Variants in TRHDE observed in about 807,000 individuals in gnomAD.
TRHDE encodes thyrotropin releasing hormone degrading enzyme, also known as thyrotropin-releasing hormone-degrading ectoenzyme.
In TRHDE, 72 loss-of-function variants were observed where a neutral mutation model predicts 125.7. The ratio of observed to expected loss-of-function variants is 0.57; its 90% confidence interval spans 0.47 to 0.70. TRHDE has a LOEUF of 0.70. Ranked by LOEUF, TRHDE falls within the 30% of genes least tolerant of loss-of-function variation. The pLI, the probability that TRHDE is intolerant of heterozygous loss-of-function variation, is 0.00. For synonymous variants in TRHDE, 509 were observed against 509.1 expected, an observed-to-expected ratio of 1.00 and a Z score of 0.00; for missense variants, 1,110 against 1,327.1, an observed-to-expected ratio of 0.84 and a Z score of 2.54.
intron 2 of TRHDE, among the ~76,000 whole-genome samples, chr12:72,344,661 T>C (rs12231988): frequency 0.12 from 18,802 of 152,056 alleles, 1,746 homozygotes; most frequent in East Asian, 0.47. Context: ...GCTGTTGGTG[T>C]GCAAAAGAAA....
intron 7 of TRHDE, among the ~76,000 whole-genome samples, chr12:72,556,935 G>A (rs1869952776): frequency 6.6e-6 from 1 of 152,120 alleles, no homozygotes; most frequent in Admixed American, 6.5e-5. Context: ...GCTGTACCCT[G>A]TCTCACTGGA....
At chr12:72,630,090 C>T (rs998473955) in intron 15 of TRHDE, among the ~76,000 whole-genome samples, 2 of 150,976 alleles carry the variant, frequency 1.3e-5, no homozygotes, top group African/African-American at 2.4e-5. Context: ...GAACTTTCAT[C>T]GTTCAGAAAT....
At chr12:72,436,614 A>G (rs1874758100) in intron 3 of TRHDE, among the ~76,000 whole-genome samples, 1 of 151,932 alleles carries the variant, frequency 6.6e-6, no homozygotes, top group South Asian at 2.1e-4. Context: ...TGGCCTGGGA[A>G]TAAATACTAA....
chr12:72,416,774 C>T (rs375540038), intron 3 of TRHDE, among the ~76,000 whole-genome samples: 2 of 152,004 alleles, frequency 1.3e-5, no homozygotes, highest in Admixed American at 6.6e-5. Flanking sequence ...GTTTAGTTAT[C>T]GTAGCTTTGC....
At chr12:72,350,481 G>C (rs1181882378) in intron 2 of TRHDE, among the ~76,000 whole-genome samples, 1 of 152,010 alleles carries the variant, frequency 6.6e-6, no homozygotes. Context: ...ACTCAGGTAG[G>C]TTAAACAGCT....
At chr12:72,192,055 A>T (rs1028953579) in intron 2 of TRHDE, among the ~76,000 whole-genome samples, 1 of 152,084 alleles carries the variant, frequency 6.6e-6, no homozygotes, top group Non-Finnish European at 1.5e-5. Flanking sequence ...GCATCTGCTG[A>T]CCTCCTTTCC....
At chr12:72,595,819 G>A (rs1199036307) in intron 12 of TRHDE, among the ~76,000 whole-genome samples, 1 of 151,950 alleles carries the variant, frequency 6.6e-6, no homozygotes, top group East Asian at 1.9e-4. Context: ...TATAGCTTAG[G>A]CCCAGTGAGT....
At chr12:72,207,962 G>T (rs1176587163) in intron 2 of TRHDE, among the ~76,000 whole-genome samples, 1 of 152,096 alleles carries the variant, frequency 6.6e-6, no homozygotes, top group Non-Finnish European at 1.5e-5. Context: ...AGTCACTGTT[G>T]GAAGTGTCTC....
intron 2 of TRHDE, among the ~76,000 whole-genome samples, chr12:72,190,605 T>C (rs1387200165): frequency 6.6e-6 from 1 of 152,208 alleles, no homozygotes; most frequent in Non-Finnish European, 1.5e-5. Flanking sequence ...CTTCTAATAA[T>C]GGGCTCAGAA....
intron 6 of TRHDE, among the ~76,000 whole-genome samples, chr12:72,529,561 CT>C (rs1213832452): frequency 2.6e-5 from 4 of 152,164 alleles, no homozygotes; most frequent in Non-Finnish European, 4.4e-5. Context: ...ATCCATCCCC[CT>C]ATTCACAGGC....
At chr12:72,126,255 C>G (rs539285495) in intron 2 of TRHDE, among the ~76,000 whole-genome samples, 1 of 152,054 alleles carries the variant, frequency 6.6e-6, no homozygotes, top group African/African-American at 2.4e-5. Flanking sequence ...ATTAAAAGAT[C>G]GGTGTTGTTA....
intron 12 of TRHDE, among the ~76,000 whole-genome samples, chr12:72,590,165 G>C (rs575484257): frequency 6.7e-6 from 1 of 149,198 alleles, no homozygotes; most frequent in African/African-American, 2.5e-5. Context: ...TATTTTTTTT[G>C]TTTTTATTGA....
chr12:72,249,818 A>G (rs1397872009), intron 2 of TRHDE, among the ~76,000 whole-genome samples: 2 of 152,212 alleles, frequency 1.3e-5, no homozygotes, highest in Non-Finnish European at 2.9e-5. Context: ...ATGAAAGCAT[A>G]TGATGGCATA....
At chr12:72,394,022 T>C (rs1592413409) in intron 3 of TRHDE, among the ~76,000 whole-genome samples, 1 of 152,136 alleles carries the variant, frequency 6.6e-6, no homozygotes, top group African/African-American at 2.4e-5. Flanking sequence ...CATACAAACA[T>C]AGGTATATAT....
At chr12:72,179,620 T>C (rs558735486) in intron 2 of TRHDE, among the ~76,000 whole-genome samples, 1 of 152,136 alleles carries the variant, frequency 6.6e-6, no homozygotes, top group Non-Finnish European at 1.5e-5. Flanking sequence ...CTCAGTGAGA[T>C]ACCTTCTCTT....
intron 3 of TRHDE, among the ~76,000 whole-genome samples, chr12:72,435,745 A>G (rs192353874): frequency 2.6e-5 from 4 of 151,712 alleles, no homozygotes; most frequent in Admixed American, 2.6e-4. Context: ...TGGGGATGCA[A>G]TGTAAGAATT....
chr12:72,430,639 A>G (rs1235068708), intron 3 of TRHDE, among the ~76,000 whole-genome samples: 1 of 151,826 alleles, frequency 6.6e-6, no homozygotes, highest in Non-Finnish European at 1.5e-5. Flanking sequence ...GTCTGTCCTT[A>G]TCCTGGTACT....
At chr12:72,403,358 C>A (rs75622870) in intron 3 of TRHDE, among the ~76,000 whole-genome samples, 2,591 of 152,256 alleles carry the variant, frequency 0.017, 75 homozygotes, top group African/African-American at 0.059. Flanking sequence ...ATAATAAAAT[C>A]AGACTAAATT....
chr12:72,520,503 C>T lies in TRHDE; in HGVS notation c.1722+20868C>T, dbSNP rs907548589. ...CAATGCCTCGCCCTGCTTCTGCTTG[C>T]GCACGGTGCGCGCACCCACTGACCT... On this transcript the variant is annotated intron_variant, in intron 6 of 18. Coordinates refer to ENST00000261180, the MANE Select transcript of TRHDE (RefSeq NM_013381.3). Among the ~76,000 whole-genome samples, 14 of 149,690 alleles carry T rather than the reference C, an allele frequency of 9.4e-5. No homozygotes were observed. In the East Asian group the frequency reaches 9.9e-4, roughly 11 times the overall value.
Sources: gnomAD v4.1 joint callset for allele counts (sites outside exome capture counted in the v4.1 genomes callset) on GRCh38, gnomAD v4.1.1 for gene constraint, MANE v1.5 for transcripts, NCBI Gene and HGNC (gene_info 2026-07-23, HGNC 2026-07-21) for gene names.